CSMD1: variants seen among roughly 807,000 people sequenced by gnomAD.
CSMD1 encodes CUB and Sushi multiple domains 1, also known as CUB and sushi domain-containing protein 1.
A neutral mutation model predicts 417.5 loss-of-function variants in CSMD1; 213 were observed. That is an observed-to-expected ratio of 0.51 (90% CI 0.46 to 0.57). The LOEUF (loss-of-function observed/expected upper bound fraction) is 0.57. Among genes scored for constraint, CSMD1 ranks in the 20% least tolerant of loss-of-function variants. CSMD1 has a pLI of 0.00. For missense variants in CSMD1, 6,923 were observed against 4,529.7 expected, an observed-to-expected ratio of 1.53 and a Z score of -15.17; for synonymous variants, 2,862 against 1,736.8, an observed-to-expected ratio of 1.65 and a Z score of -16.11.
intron 5 of CSMD1, among the ~76,000 whole-genome samples, chr8:3,791,017 T>C (rs950625998): frequency 2.0e-5 from 3 of 152,232 alleles, no homozygotes; most frequent in African/African-American, 7.2e-5. Flanking sequence ...CTTCAGGTTA[T>C]AAAGACTCCA....
rs190193161 is a variant in CSMD1, at chr8:4,168,034, C to T, written c.416-135935G>A. Among the ~76,000 whole-genome samples the T allele has an allele frequency of 1.4e-3, 213 of 151,970 alleles. 1 individual carries two copies. The highest frequency in any genetic ancestry group is 4.9e-3 in the African/African-American group (204 of 41,424). The stretch of plus-strand genomic sequence containing the variant: ...ATCCCAGCTAATCAGGAAGCTGAGG[C>T]CGTAGAATTGCTTGAAACCAGGAGG... On this transcript the variant is annotated intron_variant, in intron 3 of 69. Coordinates refer to ENST00000635120, the MANE Select transcript of CSMD1 (RefSeq NM_033225.6).
At chr8:3,645,308 C>T (rs1044330628) in intron 7 of CSMD1, among the ~76,000 whole-genome samples, 1 of 152,212 alleles carries the variant, frequency 6.6e-6, no homozygotes, top group Non-Finnish European at 1.5e-5. Flanking sequence ...AATGTGTTCT[C>T]CCAGCAGCTG....
At chr8:4,054,664 G>A (rs540115139) in intron 3 of CSMD1, among the ~76,000 whole-genome samples, 4 of 152,076 alleles carry the variant, frequency 2.6e-5, no homozygotes, top group Non-Finnish European at 4.4e-5. Context: ...CTTGCACAGT[G>A]TCTCATAGGA....
chr8:3,446,698 C>T (rs941271597), intron 12 of CSMD1, among the ~76,000 whole-genome samples: 2 of 152,122 alleles, frequency 1.3e-5, no homozygotes, highest in Non-Finnish European at 2.9e-5. Flanking sequence ...GGAACACATG[C>T]CATTCTTGAA....
intron 3 of CSMD1, among the ~76,000 whole-genome samples, chr8:4,383,756 T>G (rs1803259073): frequency 6.7e-6 from 1 of 149,738 alleles, no homozygotes; most frequent in African/African-American, 2.5e-5. Flanking sequence ...AAAAATTTCC[T>G]TTTCTATCAG....
chr8:3,288,917 C>G (rs1302994048), intron 25 of CSMD1, among the ~76,000 whole-genome samples: 4 of 146,786 alleles, frequency 2.7e-5, no homozygotes, highest in African/African-American at 1.1e-4. Flanking sequence ...TGCTGGTGTG[C>G]TACACCCATT....
At chr8:2,998,250 T>C in intron 53 of CSMD1, 66 bp from the exon 54 acceptor site, 2 of 1,527,476 alleles carry the variant, frequency 1.3e-6, no homozygotes, top group Non-Finnish European at 1.8e-6. Flanking sequence ...CTTGGGATTA[T>C]TAATAAGAAA....
intron 12 of CSMD1, among the ~76,000 whole-genome samples, chr8:3,463,968 C>T (rs1293675193): frequency 2.6e-5 from 4 of 152,108 alleles, no homozygotes; most frequent in African/African-American, 4.8e-5. Flanking sequence ...CTGTATTCAT[C>T]GGACGAAGGA....
At chr8:4,949,921 T>G (rs534927413) in intron 1 of CSMD1, among the ~76,000 whole-genome samples, 1 of 152,252 alleles carries the variant, frequency 6.6e-6, no homozygotes, top group African/African-American at 2.4e-5. Flanking sequence ...TGAGTGTGTG[T>G]GTGTGTGTGT....
At chr8:3,494,757 G>C (rs1416358670) in intron 10 of CSMD1, among the ~76,000 whole-genome samples, 9 of 152,192 alleles carry the variant, frequency 5.9e-5, no homozygotes, top group Non-Finnish European at 8.8e-5. Context: ...AGGCGGAAGA[G>C]AGAAGGGACA....
chr8:4,208,199 G>C (rs1321168625), intron 3 of CSMD1, among the ~76,000 whole-genome samples: 1 of 152,102 alleles, frequency 6.6e-6, no homozygotes, highest in African/African-American at 2.4e-5. Context: ...CTCAGCTATG[G>C]AACACAGATA....
intron 7 of CSMD1, among the ~76,000 whole-genome samples, chr8:3,668,323 G>C (rs953653746): frequency 6.6e-6 from 1 of 152,150 alleles, no homozygotes; most frequent in Non-Finnish European, 1.5e-5. Context: ...GGAAGGAGGG[G>C]CATGTCCCAC....
chr8:3,296,480 C>T (rs116476995), intron 25 of CSMD1, among the ~76,000 whole-genome samples: 3,314 of 152,074 alleles, frequency 0.022, 120 homozygotes, highest in African/African-American at 0.074. Context: ...TACACCGATG[C>T]GGGATTTTAA....
intron 48 of CSMD1, among the ~76,000 whole-genome samples, chr8:3,089,934 C>T (rs1814818266): frequency 6.6e-6 from 1 of 152,142 alleles, no homozygotes; most frequent in South Asian, 2.1e-4. Flanking sequence ...AATTTCTCTG[C>T]AGGTAAAACA....
intron 5 of CSMD1, among the ~76,000 whole-genome samples, chr8:3,992,088 T>G (rs938262034): frequency 7.0e-6 from 1 of 142,940 alleles, no homozygotes; most frequent in Non-Finnish European, 1.6e-5. Context: ...TCAGCTGGTA[T>G]GCAGAGTATC....
At chr8:3,633,197 G>C (rs755615683) in intron 7 of CSMD1, among the ~76,000 whole-genome samples, 1 of 152,062 alleles carries the variant, frequency 6.6e-6, no homozygotes, top group East Asian at 1.9e-4. Context: ...TTTTCTCACA[G>C]AACTCAAATA....
intron 1 of CSMD1, among the ~76,000 whole-genome samples, chr8:4,685,982 C>G (rs1032867503): frequency 6.6e-6 from 1 of 152,204 alleles, no homozygotes; most frequent in Non-Finnish European, 1.5e-5. Flanking sequence ...ACGGCAAAGA[C>G]TGCTGATTTT....
At chr8:4,848,968 G>C (rs765859134) in intron 1 of CSMD1, among the ~76,000 whole-genome samples, 6 of 152,206 alleles carry the variant, frequency 3.9e-5, no homozygotes, top group Non-Finnish European at 8.8e-5. Flanking sequence ...CTGTAAAACA[G>C]CCTCAGGCAG....
At chr8:4,047,545 C>CATTCATTCA (rs67200346) in intron 3 of CSMD1, among the ~76,000 whole-genome samples, 21 of 150,572 alleles carry the variant, frequency 1.4e-4, no homozygotes, top group Non-Finnish European at 1.8e-4. Context: ...TCATTCATTC[C>CATTCATTCA]ACAAATATTT....
Sources: gnomAD v4.1 joint callset for allele counts (sites outside exome capture counted in the v4.1 genomes callset) on GRCh38, gnomAD v4.1.1 for gene constraint, MANE v1.5 for transcripts, NCBI Gene and HGNC (gene_info 2026-07-23, HGNC 2026-07-21) for gene names.